Variants in MAPRE2 observed in about 807,000 individuals in gnomAD.
MAPRE2 encodes the protein microtubule-associated protein RP/EB family member 2.
Under a neutral mutation model 43.2 loss-of-function variants are expected in MAPRE2, and 13 were observed. That is an observed-to-expected ratio of 0.30 (90% CI 0.20 to 0.48). The LOEUF (loss-of-function observed/expected upper bound fraction) is 0.48. Ranked by LOEUF, MAPRE2 falls within the 20% of genes least tolerant of loss-of-function variation. The pLI is 0.99. For missense variants in MAPRE2, 161 were observed against 400.2 expected, an observed-to-expected ratio of 0.40 and a Z score of 5.10; for synonymous variants, 135 against 148.8, an observed-to-expected ratio of 0.91 and a Z score of 0.68.
intron 1 of MAPRE2, among the ~76,000 whole-genome samples, chr18:35,053,534 G>T (rs1327751357): frequency 6.6e-6 from 1 of 151,962 alleles, no homozygotes. Flanking sequence ...TTACATTTGG[G>T]AGGTAGTCTT....
intron 4 of MAPRE2, among the ~76,000 whole-genome samples, chr18:35,103,449 T>C (rs1687686161): frequency 6.6e-6 from 1 of 152,176 alleles, no homozygotes; most frequent in South Asian, 2.1e-4. Context: ...AAATCTTGAG[T>C]TTGTTTTGAA....
At chr18:34,985,862 T>C (rs1490997875) in intron 1 of MAPRE2, among the ~76,000 whole-genome samples, 6 of 150,052 alleles carry the variant, frequency 4.0e-5, no homozygotes, top group Non-Finnish European at 7.4e-5. Flanking sequence ...AGGTATGAAA[T>C]ATATAGCCTA....
Position 35,143,071 on chromosome 18 carries a change from G to GAAAAAA in MAPRE2, c.*2715_*2720dup, listed in dbSNP as rs10715274. On this transcript the variant is annotated 3_prime_UTR_variant, in exon 7 of 7. Coordinates refer to ENST00000300249, the MANE Select transcript of MAPRE2 (RefSeq NM_014268.4). ...ATATTTGTTCTAAGCAGAAAAGCAG[G>GAAAAAA]AAAAAAAAAAAAAAAAAAGAAAGAA... 7.9e-6 allele frequency: 1 copy of GAAAAAA among 126,518 alleles called. No individual in the cohort carries two copies. The highest frequency in any genetic ancestry group is 1.6e-5 in the Non-Finnish European group (1 of 60,824). 7.8% of individuals were successfully genotyped at this position (126,518 alleles called of 1,614,324 possible).
At chr18:35,076,523 A>T (rs1907362476) in intron 2 of MAPRE2, among the ~76,000 whole-genome samples, 1 of 152,152 alleles carries the variant, frequency 6.6e-6, no homozygotes, top group Admixed American at 6.6e-5. Context: ...ACAAGTGTGT[A>T]TGTAGGATAA....
At chr18:34,999,500 G>T (rs547774865) in intron 1 of MAPRE2, among the ~76,000 whole-genome samples, 2 of 152,172 alleles carry the variant, frequency 1.3e-5, no homozygotes, top group South Asian at 4.1e-4. Flanking sequence ...ACATTTGTAC[G>T]AAAAGAACTG....
intron 2 of MAPRE2, among the ~76,000 whole-genome samples, chr18:35,095,716 A>C (rs1165434620): frequency 2.0e-5 from 3 of 152,130 alleles, no homozygotes; most frequent in Non-Finnish European, 4.4e-5. Context: ...TCCATATAAA[A>C]ATAATGTTAA....
intron 1 of MAPRE2, among the ~76,000 whole-genome samples, chr18:34,989,667 C>T (rs1305920999): frequency 2.0e-5 from 3 of 151,796 alleles, no homozygotes; most frequent in South Asian, 4.2e-4. Flanking sequence ...GCTATGATCA[C>T]GCTACTGCAC....
intron 1 of MAPRE2, among the ~76,000 whole-genome samples, chr18:34,977,588 G>C (rs1307528523): frequency 6.6e-6 from 1 of 152,178 alleles, no homozygotes; most frequent in East Asian, 1.9e-4. Context: ...GCGCGCTGGC[G>C]CTCGCGCGCT....
intron 1 of MAPRE2, among the ~76,000 whole-genome samples, chr18:35,056,320 T>C (rs889869977): frequency 6.6e-6 from 1 of 152,178 alleles, no homozygotes; most frequent in Non-Finnish European, 1.5e-5. Flanking sequence ...ATGCTTATTA[T>C]TATAACAATA....
chr18:35,134,513 C>G (rs1297000863), intron 6 of MAPRE2, among the ~76,000 whole-genome samples: 1 of 152,194 alleles, frequency 6.6e-6, no homozygotes, highest in African/African-American at 2.4e-5. Flanking sequence ...GATTTGAACC[C>G]AGGTTTATCT....
At chr18:35,042,257 A>G (rs1905406228) in intron 1 of MAPRE2, among the ~76,000 whole-genome samples, 1 of 152,140 alleles carries the variant, frequency 6.6e-6, no homozygotes, top group African/African-American at 2.4e-5. Flanking sequence ...GGTTTATTAG[A>G]AAGAGACTGG....
upstream of MAPRE2, among the ~76,000 whole-genome samples, chr18:35,040,778 TC>T (rs2097053266): frequency 6.6e-6 from 1 of 151,860 alleles, no homozygotes; most frequent in Admixed American, 6.5e-5. Flanking sequence ...CTTTGGGGAT[TC>T]CTTTGTACAG....
At chr18:34,979,332 C>T (rs2097014875) in intron 1 of MAPRE2, among the ~76,000 whole-genome samples, 1 of 152,190 alleles carries the variant, frequency 6.6e-6, no homozygotes. Context: ...CTCCAGCAGC[C>T]TGGTGAGTCA....
At chr18:35,075,080 A>AT (rs954675046) in intron 2 of MAPRE2, among the ~76,000 whole-genome samples, 4 of 152,154 alleles carry the variant, frequency 2.6e-5, no homozygotes, top group African/African-American at 9.7e-5. Flanking sequence ...AGTCACTGGT[A>AT]TTTTGTTCTT....
chr18:35,106,847 G>A (rs914384225), intron 4 of MAPRE2, among the ~76,000 whole-genome samples: 38 of 151,114 alleles, frequency 2.5e-4, no homozygotes, highest in African/African-American at 9.2e-4. Context: ...CCAGGGGCAT[G>A]TATTAAAATA....
intron 6 of MAPRE2, among the ~76,000 whole-genome samples, chr18:35,134,609 A>G (rs1318133239): frequency 6.6e-6 from 1 of 152,204 alleles, no homozygotes; most frequent in African/African-American, 2.4e-5. Context: ...CGAACATAGT[A>G]CTAGTTGGGG....
At chr18:35,095,402 GCA>G (rs1190479436) in intron 2 of MAPRE2, among the ~76,000 whole-genome samples, 7 of 93,790 alleles carry the variant, frequency 7.5e-5, no homozygotes, top group African/African-American at 2.4e-4. Flanking sequence ...ACACACACAC[GCA>G]CACACACACT....
chr18:35,080,218 T>C (rs929046439), intron 2 of MAPRE2, among the ~76,000 whole-genome samples: 21 of 152,342 alleles, frequency 1.4e-4, no homozygotes, highest in Non-Finnish European at 2.6e-4. Flanking sequence ...AGATATCATT[T>C]TGATATTCTA....
chr18:35,053,012 AC>A (rs1906029365), intron 1 of MAPRE2, among the ~76,000 whole-genome samples: 1 of 48,186 alleles, frequency 2.1e-5, no homozygotes, highest in Non-Finnish European at 6.1e-5. Flanking sequence ...TCCCCCCCAC[AC>A]ACACACACAA....
Sources: gnomAD v4.1 joint callset for allele counts (sites outside exome capture counted in the v4.1 genomes callset) on GRCh38, gnomAD v4.1.1 for gene constraint, MANE v1.5 for transcripts, NCBI Gene and HGNC (gene_info 2026-07-23, HGNC 2026-07-21) for gene names.